Variants in ALDH1A2 observed in about 807,000 individuals in gnomAD.
The protein encoded by ALDH1A2 is retinal dehydrogenase 2.
In ALDH1A2, 27 loss-of-function variants were observed where a neutral mutation model predicts 60.3. The observed-to-expected ratio is 0.45, with a 90% CI of 0.33 to 0.62. The LOEUF (loss-of-function observed/expected upper bound fraction) is 0.62. Ranked by LOEUF, ALDH1A2 falls within the 20% of genes least tolerant of loss-of-function variation. ALDH1A2 has a pLI of 0.02. For synonymous variants in ALDH1A2, 289 were observed against 232.4 expected (o/e 1.24, Z -2.21); for missense variants, 581 against 643.8 (o/e 0.90, Z 1.06).
At chr15:58,011,091 T>G (rs2140514898) in intron 3 of ALDH1A2, among the ~76,000 whole-genome samples, 1 of 152,256 alleles carries the variant, frequency 6.6e-6, no homozygotes, top group African/African-American at 2.4e-5. Context: ...TCCGTTATAT[T>G]AATGATCAGA....
At chr15:58,041,034 G>A (rs1395735253) in intron 1 of ALDH1A2, among the ~76,000 whole-genome samples, 1 of 151,850 alleles carries the variant, frequency 6.6e-6, no homozygotes, top group African/African-American at 2.4e-5. Context: ...GTGGTGCCCT[G>A]GAGCAACTTC....
At position 57,992,976 on chromosome 15, in the gene ALDH1A2, C is replaced by A. The variant is rs764730133; in HGVS notation, c.653G>T (p.Ser218Ile). Residue 218 changes from serine to isoleucine, a missense_variant, in exon 6 of 13, where the codon AGT becomes ATT. Ser to Ile is a moderately radical substitution (Grantham distance 142). This residue lies in a region of ALDH1A2 where 375 missense variants were observed against 469.7 expected (regional missense o/e 0.80). Coordinates refer to ENST00000249750, the MANE Select transcript of ALDH1A2 (RefSeq NM_003888.4). ...VIKPAEQTPL[S>I]ALYMGALIKE... is the part of the protein sequence containing the mutation. Reference sequence around the variant, plus strand: ...GATGAGGGCTCCCATGTAGAGTGCACTGAGTGGTGTTTGCTCTGCTGGCTT... The same window carrying A: ...GATGAGGGCTCCCATGTAGAGTGCAATGAGTGGTGTTTGCTCTGCTGGCTT... 3 of 1,614,060 alleles carry A rather than the reference C, an allele frequency of 1.9e-6. No individual in the cohort carries two copies. Among genetic ancestry groups the A allele is most frequent in the Non-Finnish European group, 2.5e-6 (3 of 1,179,986 alleles).
rs1893430297 is a variant in ALDH1A2 at position 57,953,906 on chromosome 15, C to T, written c.*1291G>A. ...ATGGAAGAAGGAAAGGAAGCTAACACTTCCCACATCAAACTGGTGGAGTCA... is the reference window on the plus strand; with the variant it reads ...ATGGAAGAAGGAAAGGAAGCTAACATTTCCCACATCAAACTGGTGGAGTCA... On this transcript the variant is annotated 3_prime_UTR_variant, in exon 13 of 13. Coordinates refer to ENST00000249750, the MANE Select transcript of ALDH1A2 (RefSeq NM_003888.4). 1 of 152,430 alleles carries T rather than the reference C, an allele frequency of 6.6e-6. No homozygotes were observed. Among genetic ancestry groups the T allele is most frequent in the Non-Finnish European group, 1.5e-5 (1 of 68,068 alleles). 9.4% of individuals were successfully genotyped at this position (152,430 alleles called of 1,614,324 possible). A position where few individuals can be genotyped will look rare whatever the true frequency, so the allele number is the denominator to read the frequency against.
Position 58,060,328 on chromosome 15 carries a change from T to C in ALDH1A2, c.117+5206A>G, listed in dbSNP as rs551809161. The stretch of plus-strand genomic sequence containing the variant: ...CAAAAATGCAATAGAATTTTGGCTA[T>C]CATTATATGCCACTTACTTTAACAC... On this transcript the variant is annotated intron_variant, in intron 1 of 12. Transcript: ENST00000249750. Among the ~76,000 whole-genome samples, 3 of 152,318 alleles carry C rather than the reference T, an allele frequency of 2.0e-5. No individual in the cohort carries two copies. In the South Asian group the frequency reaches 6.2e-4, roughly 32 times the overall value.
chr15:57,969,258 T>C (rs1893987434), intron 7 of ALDH1A2, among the ~76,000 whole-genome samples: 1 of 152,154 alleles, frequency 6.6e-6, no homozygotes, highest in Non-Finnish European at 1.5e-5. Flanking sequence ...AATTCACAGC[T>C]AAAAGGACTC....
chr15:57,968,934 T>A (rs1893977745), intron 7 of ALDH1A2, among the ~76,000 whole-genome samples: 1 of 152,248 alleles, frequency 6.6e-6, no homozygotes, highest in Non-Finnish European at 1.5e-5. Context: ...TAATTTTCCT[T>A]GCATCAATGC....
intron 4 of ALDH1A2, among the ~76,000 whole-genome samples, chr15:58,008,210 A>AG (rs1895520207): frequency 6.6e-6 from 1 of 152,118 alleles, no homozygotes; most frequent in Admixed American, 6.6e-5. Context: ...ACCTCATCCT[A>AG]GTATGACTCT....
intron 7 of ALDH1A2, chr15:57,979,964 G>A: frequency 2.8e-6 from 1 of 355,248 alleles, no homozygotes; most frequent in South Asian, 2.8e-5. Flanking sequence ...CAGATGTGCT[G>A]CCGCGTCCCA....
chr15:57,993,121 C>T lies in ALDH1A2; in HGVS notation c.556-48G>A, dbSNP rs1468770414. On this transcript the variant is annotated intron_variant, in intron 5 of 12. Transcript: ENST00000249750. ...TGATAGATGGAAAAACATTCTTCCA[C>T]TACTTTGTTTTCAAGCTGTGACTTC... 5 of 1,604,018 alleles carry T rather than the reference C, an allele frequency of 3.1e-6. No individual in the cohort carries two copies. The African/African-American group carries it at 6.7e-5, about 21-fold the overall frequency.
intron 1 of ALDH1A2, among the ~76,000 whole-genome samples, chr15:58,019,067 G>C (rs1895854707): frequency 6.6e-6 from 1 of 151,982 alleles, no homozygotes; most frequent in South Asian, 2.1e-4. Flanking sequence ...AGATCATTTG[G>C]GGAATCTGCA....
chr15:57,989,102 T>G (rs972114376), intron 7 of ALDH1A2, among the ~76,000 whole-genome samples: 1 of 152,182 alleles, frequency 6.6e-6, no homozygotes, highest in Non-Finnish European at 1.5e-5. Context: ...GGAGCCGAGA[T>G]CACGCCATTG....
chr15:58,008,674 A>C (rs991194098), intron 4 of ALDH1A2, among the ~76,000 whole-genome samples: 1 of 152,128 alleles, frequency 6.6e-6, no homozygotes, highest in Non-Finnish European at 1.5e-5. Flanking sequence ...CCTGAAACAT[A>C]TTTGTTGTTT....
At chr15:58,036,929 C>G (rs1207001269) in intron 1 of ALDH1A2, among the ~76,000 whole-genome samples, 2 of 151,686 alleles carry the variant, frequency 1.3e-5, no homozygotes, top group Non-Finnish European at 1.5e-5. Flanking sequence ...AAGAAAGAAA[C>G]TCTATCCTCA....
At chr15:57,983,808 C>T (rs1030345970) in intron 7 of ALDH1A2, among the ~76,000 whole-genome samples, 1 of 152,168 alleles carries the variant, frequency 6.6e-6, no homozygotes, top group Non-Finnish European at 1.5e-5. Context: ...ACCTTTGCCT[C>T]TCCAAGATCT....
chr15:57,990,287 A>C (rs960977548), intron 7 of ALDH1A2: 1 of 152,188 alleles, frequency 6.6e-6, no homozygotes, highest in East Asian at 1.9e-4. Context: ...TGAGCATCTA[A>C]TATGTACACA....
intron 4 of ALDH1A2, among the ~76,000 whole-genome samples, chr15:58,006,859 TA>T (rs35453203): frequency 0.42 from 58,193 of 139,384 alleles, 13,008 homozygotes; most frequent in Non-Finnish European, 0.52. Flanking sequence ...CTCATATTGT[TA>T]AAAAAAAAAA....
At position 57,960,905 on chromosome 15, in the gene ALDH1A2, G is replaced by C. The variant is rs138003657; in HGVS notation, c.1410-61C>G. ...GAAGTCTGAGCACATAATCTGACTG[G>C]CATGGTATTTCTTTTAGAAGTTTTA... On this transcript the variant is annotated intron_variant, in intron 11 of 12. Transcript: ENST00000249750. 4.9e-4 allele frequency: 726 copies of C among 1,488,340 alleles called. 4 individuals carry two copies. The highest frequency in any genetic ancestry group is 3.9e-5 in the Non-Finnish European group (42 of 1,076,608). 92.2% of individuals were successfully genotyped at this position (1,488,340 alleles called of 1,614,324 possible).
chr15:57,955,577 A>G (rs1351060927), intron 12 of ALDH1A2, among the ~76,000 whole-genome samples: 2 of 152,256 alleles, frequency 1.3e-5, no homozygotes, highest in African/African-American at 4.8e-5. Context: ...TACTCAGAGA[A>G]CTACCATCAG....
At chr15:58,028,122 A>G (rs1278666313) in intron 1 of ALDH1A2, among the ~76,000 whole-genome samples, 2 of 152,196 alleles carry the variant, frequency 1.3e-5, no homozygotes, top group Non-Finnish European at 2.9e-5. Context: ...GTTGAAATGA[A>G]GGAAAAAATG....
Sources: allele counts gnomAD v4.1 joint callset (sites outside exome capture counted in the v4.1 genomes callset), GRCh38; gene constraint gnomAD v4.1.1; regional missense constraint gnomAD v4.1.1; transcripts MANE v1.5; gene names NCBI Gene and HGNC (gene_info 2026-07-23, HGNC 2026-07-21).